ROBO1: variants seen among roughly 807,000 people sequenced by gnomAD.
The protein encoded by ROBO1 is roundabout guidance receptor 1.
Under a neutral mutation model 195.9 loss-of-function variants are expected in ROBO1, and 149 were observed. The observed-to-expected ratio is 0.76, with a 90% CI of 0.67 to 0.87. ROBO1 has a LOEUF of 0.87. Among genes scored for constraint, ROBO1 ranks in the 40% least tolerant of loss-of-function variants. The pLI is 0.00. For synonymous variants in ROBO1, 816 were observed against 733.2 expected (o/e 1.11, Z -1.82); for missense variants, 1,933 against 2,068.3 (o/e 0.93, Z 1.27).
intron 2 of ROBO1, among the ~76,000 whole-genome samples, chr3:79,488,119 A>G (rs958414095): frequency 6.6e-6 from 1 of 152,184 alleles, no homozygotes; most frequent in Non-Finnish European, 1.5e-5. Flanking sequence ...TGAAAGAAAA[A>G]TGGAAATAAA....
At chr3:79,294,418 C>T (rs958688432) in intron 2 of ROBO1, among the ~76,000 whole-genome samples, 3 of 152,250 alleles carry the variant, frequency 2.0e-5, no homozygotes, top group African/African-American at 7.2e-5. Context: ...GAAACTGGAA[C>T]CCTTCCTTAC....
intron 2 of ROBO1, among the ~76,000 whole-genome samples, chr3:79,510,139 C>T (rs1214406197): frequency 6.6e-6 from 1 of 151,996 alleles, no homozygotes; most frequent in Non-Finnish European, 1.5e-5. Context: ...TGGCTGTGTC[C>T]CCCCACCACC....
At chr3:79,283,535 T>C (rs975469891) in intron 2 of ROBO1, among the ~76,000 whole-genome samples, 11 of 152,332 alleles carry the variant, frequency 7.2e-5, no homozygotes, top group African/African-American at 2.6e-4. Flanking sequence ...ACCATTGGAA[T>C]ATGAAGAAAA....
intron 1 of ROBO1, among the ~76,000 whole-genome samples, chr3:79,766,737 G>A (rs1241949661): frequency 6.6e-6 from 1 of 152,162 alleles, no homozygotes; most frequent in African/African-American, 2.4e-5. Context: ...TGGAACCGAA[G>A]GCTCATGGAA....
At chr3:79,220,831 G>A (rs1042245012) in intron 2 of ROBO1, among the ~76,000 whole-genome samples, 1 of 152,006 alleles carries the variant, frequency 6.6e-6, no homozygotes, top group Non-Finnish European at 1.5e-5. Flanking sequence ...GTTCACTGCG[G>A]ATCAGGATTT....
At chr3:79,497,372 A>T (rs1477363027) in intron 2 of ROBO1, among the ~76,000 whole-genome samples, 1 of 152,196 alleles carries the variant, frequency 6.6e-6, no homozygotes, top group Admixed American at 6.5e-5. Flanking sequence ...TTTATACTTT[A>T]AAACACATAT....
At chr3:79,692,245 G>A (rs1947319576) in intron 1 of ROBO1, among the ~76,000 whole-genome samples, 1 of 151,860 alleles carries the variant, frequency 6.6e-6, no homozygotes, top group Admixed American at 6.6e-5. Context: ...GGCAAAGCTG[G>A]AGAGTTAAGT....
At chr3:79,202,022 C>A (rs2081774778) in intron 2 of ROBO1, among the ~76,000 whole-genome samples, 1 of 151,776 alleles carries the variant, frequency 6.6e-6, no homozygotes, top group Admixed American at 6.6e-5. Flanking sequence ...CTCTTATTTG[C>A]CCTTCAGGTT....
At chr3:79,431,383 G>A (rs994187229) in intron 2 of ROBO1, among the ~76,000 whole-genome samples, 2 of 152,030 alleles carry the variant, frequency 1.3e-5, no homozygotes, top group Non-Finnish European at 2.9e-5. Flanking sequence ...CGTGCAAGTG[G>A]TCCCCCAAGT....
rs146966678 is a variant in ROBO1, at chr3:79,722,861, C to A, written c.-51+44891G>T. On this transcript the variant is annotated intron_variant, in intron 1 of 30. Coordinates refer to ENST00000464233, the MANE Select transcript of ROBO1 (RefSeq NM_002941.4). ...GGAGCACATTCCAAGATCCAGATCA[C>A]CATGGATGCCAGGCAGAGAGGTCAC... 4.7e-3 allele frequency among the ~76,000 whole-genome samples: 711 copies of A among 152,176 alleles called. 9 individuals carry two copies. The highest frequency in any genetic ancestry group is 0.015 in the African/African-American group (615 of 41,510).
chr3:78,924,992 T>C (rs550970711), intron 4 of ROBO1, among the ~76,000 whole-genome samples: 1 of 152,120 alleles, frequency 6.6e-6, no homozygotes, highest in Non-Finnish European at 1.5e-5. Context: ...AATTTAATAT[T>C]TTAAAAATCT....
chr3:78,953,618 G>A (rs1401823633), intron 3 of ROBO1, among the ~76,000 whole-genome samples: 4 of 151,902 alleles, frequency 2.6e-5, no homozygotes, highest in Non-Finnish European at 4.4e-5. Context: ...AGAAGAAACT[G>A]GAATCAAAGG....
chr3:79,077,510 T>C (rs1023095332), intron 3 of ROBO1, among the ~76,000 whole-genome samples: 18 of 151,904 alleles, frequency 1.2e-4, no homozygotes, highest in African/African-American at 4.3e-4. Flanking sequence ...CAGTGTTTGC[T>C]ATCAGAGAAA....
chr3:79,107,845 TAAAG>T (rs918699479), intron 3 of ROBO1, among the ~76,000 whole-genome samples: 47 of 151,780 alleles, frequency 3.1e-4, no homozygotes, highest in African/African-American at 9.4e-4. Context: ...AACACTGAAA[TAAAG>T]AGTTAAGATA....
intron 4 of ROBO1, among the ~76,000 whole-genome samples, chr3:78,771,686 T>C (rs1175031903): frequency 1.3e-5 from 2 of 152,160 alleles, no homozygotes; most frequent in Non-Finnish European, 2.9e-5. Flanking sequence ...CATTATTCAT[T>C]TGGCACTCAG....
intron 2 of ROBO1, among the ~76,000 whole-genome samples, chr3:79,564,224 G>C (rs1943018722): frequency 6.6e-6 from 1 of 152,018 alleles, no homozygotes; most frequent in African/African-American, 2.4e-5. Context: ...ACTTCTAGTG[G>C]AACTCCAAGG....
intron 3 of ROBO1, chr3:79,018,363 C>T: frequency 6.2e-7 from 1 of 1,610,262 alleles, no homozygotes; most frequent in Non-Finnish European, 8.5e-7. Context: ...GGAGAGGGGG[C>T]GAACAGGGAG....
chr3:78,943,849 C>T lies in ROBO1; in HGVS notation c.173-4922G>A, dbSNP rs113509110. Among the ~76,000 whole-genome samples, 1,081 of 152,250 alleles carry T rather than the reference C, an allele frequency of 7.1e-3. 11 individuals carry two copies. Among genetic ancestry groups the T allele is most frequent in the African/African-American group, 0.025 (1,041 of 41,558 alleles). On this transcript the variant is annotated intron_variant, in intron 3 of 30. Transcript: ENST00000464233. ...TACCCTTGGAGGTTATGACAAAATA[C>T]AGAAATCTCACATTTCTCATAATGT... is the stretch of plus-strand genomic sequence containing the variant.
chr3:79,213,816 CTTTTTTTT>C (rs59942369), intron 2 of ROBO1, among the ~76,000 whole-genome samples: 36 of 74,592 alleles, frequency 4.8e-4, no homozygotes, highest in Non-Finnish European at 8.2e-4. Flanking sequence ...TCTCCCCTTT[CTTTTTTTT>C]TTTTTTTTTT....
Sources: allele counts gnomAD v4.1 joint callset (sites outside exome capture counted in the v4.1 genomes callset), GRCh38; gene constraint gnomAD v4.1.1; transcripts MANE v1.5; gene names NCBI Gene and HGNC (gene_info 2026-07-23, HGNC 2026-07-21).